Variants in TAFA4 observed in about 807,000 individuals in gnomAD.
TAFA4 encodes chemokine-like protein TAFA-4.
In TAFA4, 20 loss-of-function variants were observed where a neutral mutation model predicts 21.1. The observed-to-expected ratio is 0.95, with a 90% CI of 0.67 to 1.38. The LOEUF is 1.38. TAFA4 is among the 40% of genes most tolerant of loss of function. The pLI is 0.00. For missense variants in TAFA4, 211 were observed against 180.9 expected (o/e 1.17, Z -0.95); for synonymous variants, 71 against 67.4 (o/e 1.05, Z -0.26).
intron 3 of TAFA4, among the ~76,000 whole-genome samples, chr3:68,798,809 AAC>A (rs1703508869): frequency 6.6e-6 from 1 of 152,196 alleles, no homozygotes. Context: ...ACCATCAACT[AAC>A]TTTTTTAAGA....
At chr3:68,755,376 A>G (rs1454943476) in intron 3 of TAFA4, among the ~76,000 whole-genome samples, 1 of 152,226 alleles carries the variant, frequency 6.6e-6, no homozygotes, top group South Asian at 2.1e-4. Context: ...GTAGCTAACC[A>G]TAAGTGGAAC....
At chr3:68,810,649 T>C (rs1575618726) in intron 3 of TAFA4, among the ~76,000 whole-genome samples, 1 of 152,170 alleles carries the variant, frequency 6.6e-6, no homozygotes, top group South Asian at 2.1e-4. Context: ...TTGCCGAGGC[T>C]TGAGTAGGTA....
chr3:68,801,828 C>G (rs560146662), intron 3 of TAFA4, among the ~76,000 whole-genome samples: 1 of 152,178 alleles, frequency 6.6e-6, no homozygotes, highest in South Asian at 2.1e-4. Context: ...TCAAAGTTTA[C>G]CAACCTCTGA....
chr3:68,788,170 C>G (rs950455807), intron 3 of TAFA4, among the ~76,000 whole-genome samples: 2 of 152,286 alleles, frequency 1.3e-5, no homozygotes, highest in Admixed American at 1.3e-4. Flanking sequence ...ACTTTCTCAC[C>G]TCATTTTCAT....
At chr3:68,773,830 GAGA>G (rs559567466) in intron 3 of TAFA4, among the ~76,000 whole-genome samples, 8 of 152,264 alleles carry the variant, frequency 5.3e-5, no homozygotes, top group Admixed American at 1.3e-4. Flanking sequence ...AAGAAGACAT[GAGA>G]AGGACAGGGA....
rs942108926 is a variant in TAFA4, at chr3:68,732,921, C to G, written c.*221G>C. 3.1e-5 allele frequency: 17 copies of G among 549,232 alleles called. No homozygotes were observed. The highest frequency in any genetic ancestry group is 4.8e-5 in the Non-Finnish European group (15 of 314,912). The allele number at this position is 549,232 out of a possible 1,614,324, so 34.0% of individuals were successfully genotyped here. A position where few individuals can be genotyped will look rare whatever the true frequency, so the allele number is the denominator to read the frequency against. ...CTCCTTGGGAATCCAGAGAGGATGT[C>G]AAATGGGTGGTGGCTTGTGGTTATA... is the stretch of plus-strand genomic sequence containing the variant. On this transcript the variant is annotated 3_prime_UTR_variant, in exon 6 of 6. Transcript: ENST00000295569.
intron 3 of TAFA4, among the ~76,000 whole-genome samples, chr3:68,832,199 C>A (rs950827345): frequency 6.6e-6 from 1 of 152,196 alleles, no homozygotes; most frequent in African/African-American, 2.4e-5. Context: ...CAAACTCATT[C>A]TCTGTCCAGT....
At chr3:68,738,402 GT>G (rs982055001) in intron 5 of TAFA4, among the ~76,000 whole-genome samples, 25 of 152,296 alleles carry the variant, frequency 1.6e-4, no homozygotes, top group Admixed American at 1.4e-3. Flanking sequence ...CAAAATTATT[GT>G]AGTCACTGTG....
At position 68,831,542 on chromosome 3, in the gene TAFA4, A is replaced by C. The variant is rs570417230; in HGVS notation, c.130+49188T>G. 2.0e-5 allele frequency among the ~76,000 whole-genome samples: 3 copies of C among 146,416 alleles called. No homozygotes were observed. In the East Asian group the frequency reaches 5.8e-4, roughly 28 times the overall value. On this transcript the variant is annotated intron_variant, in intron 3 of 5. Coordinates refer to ENST00000295569, the MANE Select transcript of TAFA4 (RefSeq NM_182522.5). ...CTCTTCTGGATTGTAGGGTTTCTGC[A>C]ATCAGATCTGCTGTTAGTCTGACGG...
At chr3:68,802,739 T>A (rs1332402032) in intron 3 of TAFA4, among the ~76,000 whole-genome samples, 1 of 152,174 alleles carries the variant, frequency 6.6e-6, no homozygotes, top group East Asian at 1.9e-4. Flanking sequence ...GAAATGAGAA[T>A]CTTTCCACCG....
chr3:68,870,370 T>C (rs1014412991), intron 3 of TAFA4, among the ~76,000 whole-genome samples: 2 of 151,926 alleles, frequency 1.3e-5, no homozygotes, highest in Non-Finnish European at 1.5e-5. Flanking sequence ...TGTGGAGCCA[T>C]AAAAGACCCA....
chr3:68,914,317 G>A (rs2089984823), intron 1 of TAFA4, among the ~76,000 whole-genome samples: 1 of 152,152 alleles, frequency 6.6e-6, no homozygotes, highest in African/African-American at 2.4e-5. Context: ...TACTGGTAGT[G>A]GTGTGTATGA....
intron 3 of TAFA4, among the ~76,000 whole-genome samples, chr3:68,863,652 C>A (rs1397331615): frequency 6.6e-6 from 1 of 152,186 alleles, no homozygotes; most frequent in Non-Finnish European, 1.5e-5. Context: ...AAGTGCCAGT[C>A]TTCCAGCTTC....
intron 3 of TAFA4, among the ~76,000 whole-genome samples, chr3:68,843,438 T>G (rs997661654): frequency 5.9e-5 from 9 of 152,244 alleles, no homozygotes; most frequent in African/African-American, 1.4e-4. Flanking sequence ...CAATGGGGTT[T>G]TCTAAATAGA....
intron 1 of TAFA4, among the ~76,000 whole-genome samples, chr3:68,901,502 T>C (rs1473451300): frequency 6.6e-6 from 1 of 152,112 alleles, no homozygotes; most frequent in Non-Finnish European, 1.5e-5. Context: ...GGAAACTCTG[T>C]CTATGCTACC....
At chr3:68,819,919 C>T (rs1704076016) in intron 3 of TAFA4, among the ~76,000 whole-genome samples, 1 of 152,146 alleles carries the variant, frequency 6.6e-6, no homozygotes. Flanking sequence ...ATGATTTAGC[C>T]ATCCCACTAC....
chr3:68,850,714 G>A (rs1704923220), intron 3 of TAFA4, among the ~76,000 whole-genome samples: 1 of 140,766 alleles, frequency 7.1e-6, no homozygotes, highest in African/African-American at 2.7e-5. Flanking sequence ...CGTGTCCTTT[G>A]CCCATTTTTA....
chr3:68,920,354 T>A (rs2090046706), intron 1 of TAFA4, among the ~76,000 whole-genome samples: 1 of 152,262 alleles, frequency 6.6e-6, no homozygotes, highest in Non-Finnish European at 1.5e-5. Context: ...TTAATATATT[T>A]TGATATTTTC....
intron 3 of TAFA4, among the ~76,000 whole-genome samples, chr3:68,854,940 A>T (rs977101076): frequency 6.6e-6 from 1 of 152,182 alleles, no homozygotes; most frequent in African/African-American, 2.4e-5. Flanking sequence ...CTGTCTGGAT[A>T]CACAGCAGTT....
Sources: gnomAD v4.1 joint callset for allele counts (sites outside exome capture counted in the v4.1 genomes callset) on GRCh38, gnomAD v4.1.1 for gene constraint, MANE v1.5 for transcripts, NCBI Gene and HGNC (gene_info 2026-07-23, HGNC 2026-07-21) for gene names.